The following RIMS1 variants were observed in gnomAD, a reference collection of about 807,000 sequenced individuals.
RIMS1 encodes regulating synaptic membrane exocytosis protein 1.
Under a neutral mutation model 214.1 loss-of-function variants are expected in RIMS1, and 83 were observed. The ratio of observed to expected loss-of-function variants is 0.39; its 90% confidence interval spans 0.32 to 0.47. RIMS1 has a LOEUF of 0.47. RIMS1 is among the 20% of genes least tolerant of loss of function. The pLI is 0.99. For missense variants in RIMS1, 2,050 were observed against 2,161.8 expected, an observed-to-expected ratio of 0.95 and a Z score of 1.03; for synonymous variants, 793 against 786.8, an observed-to-expected ratio of 1.01 and a Z score of -0.13.
At chr6:72,083,783 T>A (rs1172654476) in intron 2 of RIMS1, among the ~76,000 whole-genome samples, 1 of 152,212 alleles carries the variant, frequency 6.6e-6, no homozygotes, top group Non-Finnish European at 1.5e-5. Context: ...AAGTTGCTAT[T>A]ATTATCACCA....
chr6:72,353,509 G>C (rs565475867), intron 29 of RIMS1, among the ~76,000 whole-genome samples: 1 of 152,300 alleles, frequency 6.6e-6, no homozygotes, highest in Admixed American at 6.5e-5. Context: ...ATACAACATA[G>C]ACTGCATAAA....
chr6:72,114,043 A>G (rs962719450), intron 4 of RIMS1, among the ~76,000 whole-genome samples: 3 of 152,050 alleles, frequency 2.0e-5, no homozygotes, highest in African/African-American at 7.2e-5. Context: ...TCTTTAATGC[A>G]TCTCAAAGTT....
chr6:72,260,795 C>T (rs751998552), intron 19 of RIMS1, 28 bp downstream of exon 19: 1 of 1,609,572 alleles, frequency 6.2e-7, no homozygotes. Context: ...GTAATGGTGA[C>T]TGTGTGTGAT....
At chr6:72,285,831 G>C (rs2092111486) in intron 24 of RIMS1, among the ~76,000 whole-genome samples, 1 of 152,012 alleles carries the variant, frequency 6.6e-6, no homozygotes, top group African/African-American at 2.4e-5. Flanking sequence ...CAATTATTTT[G>C]ACATGATTAA....
chr6:72,188,396 C>T (rs1365422800), intron 6 of RIMS1, among the ~76,000 whole-genome samples: 1 of 152,138 alleles, frequency 6.6e-6, no homozygotes, highest in Non-Finnish European at 1.5e-5. Flanking sequence ...CAATCCCCAA[C>T]CCAAATGCTG....
At chr6:72,281,959 G>A (rs1156400252) in intron 23 of RIMS1, among the ~76,000 whole-genome samples, 1 of 151,864 alleles carries the variant, frequency 6.6e-6, no homozygotes, top group Non-Finnish European at 1.5e-5. Context: ...AGAGAGAATT[G>A]TGTTTTTTTT....
intron 6 of RIMS1, among the ~76,000 whole-genome samples, chr6:72,192,632 G>C (rs536576397): frequency 5.3e-5 from 8 of 152,298 alleles, no homozygotes; most frequent in Middle Eastern, 3.4e-3. Context: ...GCCAATGCCA[G>C]AGCTCTACGT....
intron 22 of RIMS1, among the ~76,000 whole-genome samples, chr6:72,268,162 T>G (rs2081428083): frequency 6.6e-6 from 1 of 152,158 alleles, no homozygotes; most frequent in Non-Finnish European, 1.5e-5. Flanking sequence ...AAGTACCCTT[T>G]GTGAACACGC....
chr6:72,316,336 A>AGG (rs1262771133), intron 28 of RIMS1, among the ~76,000 whole-genome samples: 3 of 152,106 alleles, frequency 2.0e-5, no homozygotes, highest in Non-Finnish European at 4.4e-5. Flanking sequence ...GAGACAAGGA[A>AGG]GGGCTATTCC....
chr6:72,396,651 C>T (rs2098781758), intron 31 of RIMS1, among the ~76,000 whole-genome samples: 1 of 152,154 alleles, frequency 6.6e-6, no homozygotes, highest in South Asian at 2.1e-4. Context: ...CTCAACACAT[C>T]AACTTGGATG....
intron 1 of RIMS1, among the ~76,000 whole-genome samples, chr6:71,967,182 A>C (rs1331471037): frequency 1.3e-5 from 2 of 152,100 alleles, no homozygotes; most frequent in East Asian, 3.9e-4. Flanking sequence ...AGGTCAGGAG[A>C]TCGAGACCAT....
intron 2 of RIMS1, among the ~76,000 whole-genome samples, chr6:72,064,313 C>T (rs1828700354): frequency 7.1e-6 from 1 of 141,548 alleles, no homozygotes; most frequent in South Asian, 2.4e-4. Context: ...AGCAAAACTC[C>T]ATAGAAAGAA....
chr6:72,150,532 A>G (rs1412527866), intron 4 of RIMS1, among the ~76,000 whole-genome samples: 2 of 152,200 alleles, frequency 1.3e-5, no homozygotes, highest in African/African-American at 4.8e-5. Flanking sequence ...ATTTGTGAGG[A>G]AAAATATTCA....
chr6:72,074,780 G>A (rs933971068), intron 2 of RIMS1, among the ~76,000 whole-genome samples: 29 of 152,156 alleles, frequency 1.9e-4, no homozygotes, highest in Admixed American at 1.7e-3. Context: ...CTGCAGTTTA[G>A]ATAGCTGCTG....
intron 4 of RIMS1, among the ~76,000 whole-genome samples, chr6:72,178,635 C>T (rs1377439707): frequency 6.6e-6 from 1 of 152,180 alleles, no homozygotes; most frequent in African/African-American, 2.4e-5. Flanking sequence ...TGTAAAGTCA[C>T]AGCACAAAGA....
chr6:72,361,794 C>T (rs963598342), intron 29 of RIMS1, among the ~76,000 whole-genome samples: 2 of 152,186 alleles, frequency 1.3e-5, no homozygotes, highest in African/African-American at 2.4e-5. Context: ...CTCCCTCTTC[C>T]TCTTATAAAG....
rs550863435 is a variant in RIMS1, at chr6:72,341,320, A to G, written c.4366+7485A>G. On this transcript the variant is annotated intron_variant, in intron 29 of 33. Coordinates refer to ENST00000521978, the MANE Select transcript of RIMS1 (RefSeq NM_014989.7). ...CCTGGCCATTGATTAAATGTTGAAAATGGTGCTTAGTTTCCTGGGATATGA... is the reference window on the plus strand; with the variant it reads ...CCTGGCCATTGATTAAATGTTGAAAGTGGTGCTTAGTTTCCTGGGATATGA... Among the ~76,000 whole-genome samples, 9 of 151,904 alleles carry G rather than the reference A, an allele frequency of 5.9e-5. No homozygotes were observed. In the South Asian group the frequency reaches 1.9e-3, roughly 31 times the overall value.
intron 4 of RIMS1, among the ~76,000 whole-genome samples, chr6:72,123,457 G>T (rs997247060): frequency 3.3e-5 from 5 of 151,830 alleles, no homozygotes; most frequent in African/African-American, 1.2e-4. Context: ...TCTTGATTTG[G>T]GGTGGAGAGT....
chr6:72,160,064 A>C (rs374717993), intron 4 of RIMS1, among the ~76,000 whole-genome samples: 2 of 104,870 alleles, frequency 1.9e-5, no homozygotes, highest in Non-Finnish European at 4.3e-5. Flanking sequence ...CTTTTATTTC[A>C]TTGAGCAGTG....
Sources: gnomAD v4.1 joint callset for allele counts (sites outside exome capture counted in the v4.1 genomes callset) on GRCh38, gnomAD v4.1.1 for gene constraint, MANE v1.5 for transcripts, NCBI Gene and HGNC (gene_info 2026-07-23, HGNC 2026-07-21) for gene names.